Variants in TMTC2 observed in about 807,000 individuals in gnomAD.
TMTC2 encodes the protein protein O-mannosyl-transferase TMTC2.
A neutral mutation model predicts 82.4 loss-of-function variants in TMTC2; 43 were observed. That is an observed-to-expected ratio of 0.52 (90% CI 0.41 to 0.67). The LOEUF (loss-of-function observed/expected upper bound fraction) is 0.67. Among genes scored for constraint, TMTC2 ranks in the 30% least tolerant of loss-of-function variants. The pLI is 0.00. For missense variants in TMTC2, 919 were observed against 1,012.4 expected (o/e 0.91, Z 1.25); for synonymous variants, 408 against 381.9 (o/e 1.07, Z -0.80).
intron 11 of TMTC2, among the ~76,000 whole-genome samples, chr12:83,130,274 T>C (rs1885222721): frequency 6.6e-6 from 1 of 152,210 alleles, no homozygotes; most frequent in African/African-American, 2.4e-5. Flanking sequence ...CAGAAATGTG[T>C]CCGAGCTGCA....
chr12:83,056,782 T>C (rs138027670), intron 10 of TMTC2, among the ~76,000 whole-genome samples: 2 of 152,062 alleles, frequency 1.3e-5, no homozygotes, highest in East Asian at 3.9e-4. Flanking sequence ...ATTTCAACCA[T>C]GCTGTAATGG....
At chr12:82,955,586 GA>G (rs1592654922) in intron 4 of TMTC2, among the ~76,000 whole-genome samples, 1 of 151,914 alleles carries the variant, frequency 6.6e-6, no homozygotes, top group East Asian at 1.9e-4. Flanking sequence ...ATGATCAGGG[GA>G]AAAAAAGAGC....
chr12:83,103,630 G>A (rs959242231), intron 11 of TMTC2, among the ~76,000 whole-genome samples: 1 of 152,086 alleles, frequency 6.6e-6, no homozygotes, highest in African/African-American at 2.4e-5. Context: ...TTCCAACATT[G>A]GGGATTACAT....
chr12:82,942,515 C>G (rs966679866), intron 4 of TMTC2, among the ~76,000 whole-genome samples: 1 of 151,996 alleles, frequency 6.6e-6, no homozygotes, highest in Admixed American at 6.6e-5. Flanking sequence ...ATATAAATAG[C>G]CTTTTGAAAA....
chr12:82,814,630 A>T (rs751583704), intron 1 of TMTC2, among the ~76,000 whole-genome samples: 1 of 152,204 alleles, frequency 6.6e-6, no homozygotes, highest in Non-Finnish European at 1.5e-5. Context: ...ATTACCAATC[A>T]TGATTAGAAG....
At chr12:82,899,881 G>A (rs985774941) in intron 3 of TMTC2, among the ~76,000 whole-genome samples, 3 of 141,688 alleles carry the variant, frequency 2.1e-5, no homozygotes, top group South Asian at 4.3e-4. Flanking sequence ...ATACATATCC[G>A]GAATATAGAT....
chr12:82,878,041 G>T (rs557847436), intron 2 of TMTC2, among the ~76,000 whole-genome samples: 1 of 152,130 alleles, frequency 6.6e-6, no homozygotes, highest in African/African-American at 2.4e-5. Flanking sequence ...TAAGATTCTG[G>T]TGTATCTAAA....
At chr12:82,818,296 T>G (rs890800739) in intron 1 of TMTC2, among the ~76,000 whole-genome samples, 1 of 152,266 alleles carries the variant, frequency 6.6e-6, no homozygotes, top group East Asian at 1.9e-4. Context: ...TTGTCCTTGC[T>G]AATATTGTGT....
At chr12:82,989,776 A>G (rs1879324529) in intron 8 of TMTC2, among the ~76,000 whole-genome samples, 1 of 150,728 alleles carries the variant, frequency 6.6e-6, no homozygotes, top group Non-Finnish European at 1.5e-5. Flanking sequence ...CAGATTTAGA[A>G]GTTTTAATTT....
chr12:82,912,861 C>T (rs1326114242), intron 3 of TMTC2, among the ~76,000 whole-genome samples: 1 of 148,114 alleles, frequency 6.8e-6, no homozygotes, highest in Non-Finnish European at 1.5e-5. Context: ...TCACCTGATC[C>T]TGGGGAGGTC....
intron 1 of TMTC2, among the ~76,000 whole-genome samples, chr12:82,852,328 C>T (rs771999665): frequency 6.6e-6 from 1 of 151,964 alleles, no homozygotes; most frequent in Non-Finnish European, 1.5e-5. Flanking sequence ...AGGATGGTCT[C>T]GATCTCCTGA....
intron 3 of TMTC2, among the ~76,000 whole-genome samples, chr12:82,923,502 A>G (rs1346252956): frequency 6.6e-6 from 1 of 152,066 alleles, no homozygotes; most frequent in Non-Finnish European, 1.5e-5. Context: ...ACCCAAATCC[A>G]TTAATTTTTT....
intron 7 of TMTC2, among the ~76,000 whole-genome samples, chr12:82,983,923 A>G (rs538261491): frequency 2.0e-5 from 3 of 152,174 alleles, no homozygotes; most frequent in African/African-American, 4.8e-5. Flanking sequence ...CACTTTTCCT[A>G]GTACAAATTA....
chr12:82,762,263 G>C (rs1876694194), intron 1 of TMTC2, among the ~76,000 whole-genome samples: 1 of 152,082 alleles, frequency 6.6e-6, no homozygotes. Context: ...CACCACGCGT[G>C]GCCGACTGTT....
At position 82,751,236 on chromosome 12, in the gene TMTC2, A is replaced by G. The variant is rs868008223; in HGVS notation, c.83+63567A>G. On this transcript the variant is annotated intron_variant, in intron 1 of 11. Coordinates refer to ENST00000321196, the MANE Select transcript of TMTC2 (RefSeq NM_152588.3). ...AAAATGATGAGTTCATGTCCTTTGT[A>G]GGGACGTGGATGAAATTGGAAATTA... Among the ~76,000 whole-genome samples, 61 of 152,184 alleles carry G rather than the reference A, an allele frequency of 4.0e-4. 1 individual carries two copies. The highest frequency in any genetic ancestry group is 2.4e-4 in the Non-Finnish European group (16 of 68,050).
intron 1 of TMTC2, among the ~76,000 whole-genome samples, chr12:82,737,314 C>CTG (rs1565728670): frequency 2.0e-5 from 3 of 151,358 alleles, no homozygotes; most frequent in African/African-American, 7.3e-5. Context: ...CAGTCTAACA[C>CTG]TTTTTTTTTG....
Position 82,754,736 on chromosome 12 carries a change from C to CA in TMTC2, c.83+67074dup, listed in dbSNP as rs1343458436. Among the ~76,000 whole-genome samples, 4 of 79,894 alleles carry CA rather than the reference C, an allele frequency of 5.0e-5. No homozygotes were observed. In the East Asian group the frequency reaches 2.6e-3, roughly 51 times the overall value. The allele number at this position is 79,894 out of a possible 152,430, so 52.4% of individuals were successfully genotyped here. ...TGGGGGACAGAGCAAGACTTCATCT[C>CA]AAAAAAATAAAAATAAATAAATAAA... is the stretch of plus-strand genomic sequence containing the variant. On this transcript the variant is annotated intron_variant, in intron 1 of 11. Coordinates refer to ENST00000321196, the MANE Select transcript of TMTC2 (RefSeq NM_152588.3).
intron 11 of TMTC2, among the ~76,000 whole-genome samples, chr12:83,093,091 CTG>C (rs138168467): frequency 6.6e-6 from 1 of 151,938 alleles, no homozygotes; most frequent in Non-Finnish European, 1.5e-5. Context: ...GGACATTACT[CTG>C]TGTGTGTGTG....
chr12:82,984,705 A>G (rs1879080320), intron 7 of TMTC2, among the ~76,000 whole-genome samples: 1 of 152,216 alleles, frequency 6.6e-6, no homozygotes, highest in Admixed American at 6.5e-5. Flanking sequence ...TAGTAAAACT[A>G]CAATATTTAA....
Sources: gnomAD v4.1 joint callset for allele counts (sites outside exome capture counted in the v4.1 genomes callset) on GRCh38, gnomAD v4.1.1 for gene constraint, MANE v1.5 for transcripts, NCBI Gene and HGNC (gene_info 2026-07-23, HGNC 2026-07-21) for gene names.